The following CYFIP1 variants were observed in gnomAD, a reference collection of about 807,000 sequenced individuals.
The protein encoded by CYFIP1 is cytoplasmic FMR1 interacting protein 1, also known as cytoplasmic FMR1-interacting protein 1.
A neutral mutation model predicts 163.5 loss-of-function variants in CYFIP1; 58 were observed. That is an observed-to-expected ratio of 0.35 (90% confidence interval 0.29 to 0.44). The LOEUF (loss-of-function observed/expected upper bound fraction) is 0.44. Ranked by LOEUF, CYFIP1 falls within the 20% of genes least tolerant of loss-of-function variation. CYFIP1 has a pLI of 1.00. For missense variants in CYFIP1, 1,338 were observed against 1,653.8 expected, an observed-to-expected ratio of 0.81 and a Z score of 3.31; for synonymous variants, 663 against 660.7, an observed-to-expected ratio of 1.00 and a Z score of -0.05.
At chr15:22,910,973 G>A (rs1182432249) in intron 18 of CYFIP1, among the ~76,000 whole-genome samples, 160 bp from the exon 19 acceptor site, 4 of 151,998 alleles carry the variant, frequency 2.6e-5, no homozygotes, top group South Asian at 2.1e-4. Flanking sequence ...GCAGTAGTGC[G>A]ATCTTGGCTC....
intron 1 of CYFIP1, among the ~76,000 whole-genome samples, chr15:22,964,267 C>G (rs1251060727): frequency 1.7e-5 from 2 of 118,316 alleles, no homozygotes; most frequent in African/African-American, 7.0e-5. Context: ...GAGTCCACTC[C>G]TCCTCACCAC....
chr15:22,925,300 C>G (rs537612662), intron 13 of CYFIP1, among the ~76,000 whole-genome samples: 1 of 152,276 alleles, frequency 6.6e-6, no homozygotes, highest in East Asian at 1.9e-4. Flanking sequence ...CTTTCTCATA[C>G]ACGGTAGATG....
intron 22 of CYFIP1, among the ~76,000 whole-genome samples, chr15:22,899,027 G>A (rs990565836): frequency 3.3e-5 from 5 of 151,722 alleles, no homozygotes; most frequent in African/African-American, 1.2e-4. Flanking sequence ...TTGTAGAGAC[G>A]AGGTCTCCTT....
intron 1 of CYFIP1, among the ~76,000 whole-genome samples, chr15:22,949,528 G>C (rs1257698778): frequency 1.3e-5 from 2 of 152,130 alleles, no homozygotes; most frequent in East Asian, 3.9e-4. Flanking sequence ...GAGGGCGCAG[G>C]ACACACAACG....
At position 22,918,143 on chromosome 15, in the gene CYFIP1, C is replaced by G. The variant is rs555474116; in HGVS notation, c.1527-208G>C. 3.9e-5 allele frequency among the ~76,000 whole-genome samples: 6 copies of G among 152,314 alleles called. No homozygotes were observed. In the East Asian group the frequency reaches 1.2e-3, roughly 29 times the overall value. ...TGCCTTCTGGAGAGTATTACTACCCCCAGAAGACTGCCCTGAGCTCCAGTT... is the reference window on the plus strand; with the variant it reads ...TGCCTTCTGGAGAGTATTACTACCCGCAGAAGACTGCCCTGAGCTCCAGTT... On this transcript the variant is annotated intron_variant, in intron 14 of 30. Coordinates refer to ENST00000617928, the MANE Select transcript of CYFIP1 (RefSeq NM_014608.6).
In CYFIP1 at chr15:22,947,301, C is replaced by G. The variant is rs749467303; in HGVS notation, c.-6-10G>C. 5.0e-6 allele frequency: 8 copies of G among 1,612,668 alleles called. No homozygotes were observed. Among genetic ancestry groups the G allele is most frequent in the Non-Finnish European group, 6.8e-6 (8 of 1,179,284 alleles). ...GGGCCGCCATCCTGGGCTGGAACAA[C>G]ACATAAGGACCCCTGTTCTGTGAGG... On this transcript the variant is annotated splice_polypyrimidine_tract_variant and intron_variant, in intron 1 of 30. Transcript: ENST00000617928.
intron 13 of CYFIP1, among the ~76,000 whole-genome samples, chr15:22,922,856 G>C (rs751503875): frequency 6.6e-6 from 1 of 152,070 alleles, no homozygotes; most frequent in South Asian, 2.1e-4. Context: ...GCTGGGTGTG[G>C]TGGCGCACAC....
At chr15:22,938,760 AG>A (rs1424818596) in intron 8 of CYFIP1, among the ~76,000 whole-genome samples, 1 of 150,726 alleles carries the variant, frequency 6.6e-6, no homozygotes, top group Non-Finnish European at 1.5e-5. Flanking sequence ...AAAATTAGCG[AG>A]GCATGGTGGC....
At chr15:22,956,317 G>A (rs904581135) in intron 1 of CYFIP1, among the ~76,000 whole-genome samples, 5 of 152,138 alleles carry the variant, frequency 3.3e-5, no homozygotes, top group African/African-American at 1.2e-4. Context: ...AGCTCAGTCA[G>A]TAGGTCATAA....
intron 5 of CYFIP1, among the ~76,000 whole-genome samples, chr15:22,943,796 G>A (rs1402223888): frequency 2.0e-5 from 3 of 152,120 alleles, no homozygotes; most frequent in African/African-American, 4.8e-5. Context: ...AAAAAATCTG[G>A]ATGTTTCCAA....
At chr15:22,972,162 A>G (rs1038198421) in intron 1 of CYFIP1, among the ~76,000 whole-genome samples, 2 of 152,078 alleles carry the variant, frequency 1.3e-5, no homozygotes, top group African/African-American at 4.8e-5. Context: ...GAGGCTGGGC[A>G]TGGTGGCTCC....
chr15:22,877,311 C>A (rs1021793741), intron 26 of CYFIP1, among the ~76,000 whole-genome samples: 2 of 152,236 alleles, frequency 1.3e-5, no homozygotes, highest in African/African-American at 4.8e-5. Flanking sequence ...CAGCATGAGA[C>A]CCTGACAGAT....
chr15:22,937,346 T>A, intron 8 of CYFIP1, 138 bp from the exon 9 acceptor site: 1 of 606,864 alleles, frequency 1.6e-6, no homozygotes, highest in Non-Finnish European at 3.0e-6. Context: ...TTTAGGCTGC[T>A]TGTCTGGTGC....
chr15:22,871,507 G>C (rs2059432305), intron 30 of CYFIP1, among the ~76,000 whole-genome samples: 1 of 152,202 alleles, frequency 6.6e-6, no homozygotes, highest in Admixed American at 6.5e-5. Flanking sequence ...CGGAAATGGA[G>C]GAGTGGGAGG....
At chr15:22,896,266 C>G (rs2060232700) in intron 22 of CYFIP1, among the ~76,000 whole-genome samples, 1 of 152,110 alleles carries the variant, frequency 6.6e-6, no homozygotes, top group Non-Finnish European at 1.5e-5. Context: ...AGGTTCAGCT[C>G]CAGCCTTATT....
At position 22,879,612 on chromosome 15, in the gene CYFIP1, T is replaced by C. The variant is rs2059690631; in HGVS notation, c.3042+301A>G. 1.3e-5 allele frequency among the ~76,000 whole-genome samples: 2 copies of C among 151,130 alleles called. 1 individual carries two copies. Among genetic ancestry groups the C allele is most frequent in the Admixed American group, 1.3e-4 (2 of 15,248 alleles). On this transcript the variant is annotated intron_variant, in intron 26 of 30. Coordinates refer to ENST00000617928, the MANE Select transcript of CYFIP1 (RefSeq NM_014608.6). ...AGGGCCCTCCTGCGCAGCAATGCCT[T>C]ATACCTTACAGGCACACCAAATATG...
At chr15:22,946,651 C>A (rs910235986) in intron 3 of CYFIP1, 2 of 376,350 alleles carry the variant, frequency 5.3e-6, no homozygotes, top group Non-Finnish European at 1.0e-5. Context: ...AAAAAAAAAG[C>A]AGAACTATAA....
At chr15:22,953,852 G>A (rs1370102992) in intron 1 of CYFIP1, among the ~76,000 whole-genome samples, 2 of 152,098 alleles carry the variant, frequency 1.3e-5, no homozygotes, top group East Asian at 1.9e-4. Context: ...TCAGGAGATC[G>A]AGACCATCCT....
At chr15:22,962,692 C>A (rs1476460976) in intron 1 of CYFIP1, among the ~76,000 whole-genome samples, 4 of 152,104 alleles carry the variant, frequency 2.6e-5, no homozygotes, top group Non-Finnish European at 5.9e-5. Context: ...ACGTGAGCCA[C>A]CACGCCCGGC....
Sources: gnomAD v4.1 joint callset for allele counts (sites outside exome capture counted in the v4.1 genomes callset) on GRCh38, gnomAD v4.1.1 for gene constraint, MANE v1.5 for transcripts, NCBI Gene and HGNC (gene_info 2026-07-23, HGNC 2026-07-21) for gene names.